The following CHST12 variants were observed in gnomAD, a reference collection of about 807,000 sequenced individuals.
CHST12 encodes carbohydrate (chondroitin 4) sulfotransferase 12.
Under a neutral mutation model 27.9 loss-of-function variants are expected in CHST12, and 23 were observed. The observed-to-expected ratio is 0.82, with a 90% CI of 0.59 to 1.17. CHST12 has a LOEUF of 1.17. Ranked by LOEUF, CHST12 falls within the 50% of genes most tolerant of loss-of-function variation. The pLI is 0.00. For synonymous variants in CHST12, 322 were observed against 273.0 expected, an observed-to-expected ratio of 1.18 and a Z score of -1.77; for missense variants, 682 against 603.0, an observed-to-expected ratio of 1.13 and a Z score of -1.37.
rs568260900 is a variant in CHST12 at position 2,410,830 on chromosome 7, C to T, written c.-78+7157C>T. Among the ~76,000 whole-genome samples the T allele has an allele frequency of 7.2e-5, 11 of 152,094 alleles. No individual in the cohort carries two copies. The South Asian group carries it at 2.1e-3, about 29-fold the overall frequency. ...GAGGAGATCAGTGGAGTCCTGGTCA[C>T]GGGCCATCAGAAGGACTCGAGATAG... is the stretch of plus-strand genomic sequence containing the variant. On this transcript the variant is annotated intron_variant, in intron 1 of 1. Coordinates refer to ENST00000618655, the MANE Select transcript of CHST12 (RefSeq NM_018641.5).
chr7:2,415,325 A>G (rs767976591), intron 1 of CHST12, among the ~76,000 whole-genome samples: 3 of 151,812 alleles, frequency 2.0e-5, no homozygotes, highest in Non-Finnish European at 4.4e-5. Context: ...AGATTGTGCC[A>G]CTGCACTCCA....
rs1212965508 is a variant in CHST12, at chr7:2,444,283, C to CAAAAAAAAAAAAAAAA, written c.*10409_*10424dup. 2.9e-5 allele frequency: 1 copy of CAAAAAAAAAAAAAAAA among 34,332 alleles called. No individual in the cohort carries two copies. The highest frequency in any genetic ancestry group is 1.3e-4 in the African/African-American group (1 of 7,662). The allele number at this position is 34,332 out of a possible 1,614,324, so 2.1% of individuals were successfully genotyped here. A position where few individuals can be genotyped will look rare whatever the true frequency, so the allele number is the denominator to read the frequency against. On this transcript the variant is annotated 3_prime_UTR_variant, in exon 2 of 2. Transcript: ENST00000618655. ...TGGGCGACAGAGCGAGACTCCGTCT[C>CAAAAAAAAAAAAAAAA]AAAAAAAAAAAAAAAAAAAAAAAAA... is the stretch of plus-strand genomic sequence containing the variant.
At chr7:2,411,787 T>C (rs1781674582) in intron 1 of CHST12, among the ~76,000 whole-genome samples, 1 of 152,240 alleles carries the variant, frequency 6.6e-6, no homozygotes, top group Non-Finnish European at 1.5e-5. Context: ...CAGCCACGAA[T>C]TGATTTAACT....
Position 2,434,579 on chromosome 7 carries a change from TAAAAAAAAAAAAAAAAAAAAAAAAAAAAA to T in CHST12, c.*704_*732del, listed in dbSNP as rs869123293. ...CAACATGGTGAAACCCTGTCTCTAC[TAAAAAAAAAAAAAAAAAAAAAAAAAAAAA>T]AAAAAAAATGAGTCGGGTGTGGTGG... On this transcript the variant is annotated 3_prime_UTR_variant, in exon 2 of 2. Transcript: ENST00000618655. 1 of 20,962 alleles carries T rather than the reference TAAAAAAAAAAAAAAAAAAAAAAAAAAAAA, an allele frequency of 4.8e-5. No individual in the cohort carries two copies. The highest frequency in any genetic ancestry group is 9.6e-4 in the Admixed American group (1 of 1,040). 1.3% of individuals were successfully genotyped at this position (20,962 alleles called of 1,614,324 possible). A position where few individuals can be genotyped will look rare whatever the true frequency, so the allele number is the denominator to read the frequency against.
intron 1 of CHST12, among the ~76,000 whole-genome samples, chr7:2,423,213 T>C (rs1298789577): frequency 6.6e-6 from 1 of 151,862 alleles, no homozygotes; most frequent in Non-Finnish European, 1.5e-5. Flanking sequence ...GTGGAGGCTG[T>C]GGTGAGCCAA....
rs1326321053 is a variant in CHST12, at chr7:2,433,388, GC to G, written c.751del (p.Leu251Ter). ...KFLFVRDPFV[R>X]LISAFRSKFE... ...CTCTTCGTGCGCGACCCCTTCGTGC[GC>G]CTGATCTCCGCCTTCCGCAGCAAGT... On this transcript the variant is annotated frameshift_variant, in exon 2 of 2. Coordinates refer to ENST00000618655, the MANE Select transcript of CHST12 (RefSeq NM_018641.5). LOFTEE classifies it high-confidence loss of function. The surrounding 1 kb of genome is among the most constrained non-coding windows in gnomAD (Gnocchi z 6.1). 14 of 1,609,746 alleles carry G rather than the reference GC, an allele frequency of 8.7e-6. No homozygotes were observed. Among genetic ancestry groups the G allele is most frequent in the Non-Finnish European group, 1.2e-5 (14 of 1,179,928 alleles).
At chr7:2,423,260 A>G (rs1465419705) in intron 1 of CHST12, among the ~76,000 whole-genome samples, 2 of 152,014 alleles carry the variant, frequency 1.3e-5, no homozygotes, top group African/African-American at 2.4e-5. Flanking sequence ...GTGACAGAAC[A>G]AGACTCCATC....
chr7:2,433,228 C>A lies in CHST12; in HGVS notation c.589C>A (p.Arg197Ser). The A allele has an allele frequency of 1.9e-6, 3 of 1,612,114 alleles. No individual in the cohort carries two copies. Among genetic ancestry groups the A allele is most frequent in the Admixed American group, 1.7e-5 (1 of 59,962 alleles). ...CCTGCTGCACCGCGGTGCGCCCTAC[C>A]GCGACCCGCTGCGCATCCCGCGCGA... Reference protein sequence around the residue: ...GSLLHRGAPYRDPLRIPREHV... With the variant: ...GSLLHRGAPYSDPLRIPREHV... The change falls in exon 2 of 2, where the codon CGC becomes AGC. Residue 197 changes from arginine to serine, a missense_variant. By Grantham distance (110) the Arg-to-Ser change is moderately radical (BLOSUM62 -1). Coordinates refer to ENST00000618655, the MANE Select transcript of CHST12 (RefSeq NM_018641.5). The surrounding 1 kb of genome is among the most constrained non-coding windows in gnomAD (Gnocchi z 6.1).
intron 1 of CHST12, among the ~76,000 whole-genome samples, chr7:2,403,900 C>T (rs1003089414): frequency 1.3e-5 from 2 of 152,126 alleles, no homozygotes; most frequent in African/African-American, 2.4e-5. Flanking sequence ...CGCTCGTCGT[C>T]CTCGGCCAGG....
rs929807238 is a variant in CHST12 at position 2,416,798 on chromosome 7, C to T, written c.-78+13125C>T. Among the ~76,000 whole-genome samples the T allele has an allele frequency of 3.9e-5, 6 of 152,264 alleles. No homozygotes were observed. The East Asian group carries it at 1.2e-3, about 29-fold the overall frequency. On this transcript the variant is annotated intron_variant, in intron 1 of 1. Transcript: ENST00000618655. Reference sequence around the variant, plus strand: ...GAGTAGGCAATGAGGCCAGTGGTCACATTTTTGTGAGGCTTTTAGTACCAT... The same window carrying T: ...GAGTAGGCAATGAGGCCAGTGGTCATATTTTTGTGAGGCTTTTAGTACCAT...
At chr7:2,404,073 G>A (rs983786835) in intron 1 of CHST12, 3 of 152,286 alleles carry the variant, frequency 2.0e-5, no homozygotes, top group Non-Finnish European at 4.4e-5. Context: ...GCAGGGGTAG[G>A]ACCAATTCCC....
intron 1 of CHST12, among the ~76,000 whole-genome samples, chr7:2,418,785 T>TCTGTTG (rs1781880320): frequency 7.0e-6 from 1 of 143,840 alleles, no homozygotes; most frequent in Non-Finnish European, 1.5e-5. Flanking sequence ...AGCTGTTGTT[T>TCTGTTG]CTGTTGCTGT....
chr7:2,423,620 A>G, intron 1 of CHST12, among the ~76,000 whole-genome samples: 1 of 152,290 alleles, frequency 6.6e-6, no homozygotes, highest in African/African-American at 2.4e-5. Flanking sequence ...CTCTGCCTCC[A>G]TCAGGCATGC....
intron 1 of CHST12, among the ~76,000 whole-genome samples, chr7:2,405,479 G>A (rs1781498580): frequency 6.6e-6 from 1 of 152,150 alleles, no homozygotes; most frequent in African/African-American, 2.4e-5. Flanking sequence ...GGGCCTGAAT[G>A]CTGTGTGAGG....
intron 1 of CHST12, among the ~76,000 whole-genome samples, chr7:2,412,741 A>C (rs1405288186): frequency 6.6e-6 from 1 of 152,212 alleles, no homozygotes; most frequent in African/African-American, 2.4e-5. Context: ...ACTGCTAGCT[A>C]TGTAGACTTG....
rs1158968577 is a variant in CHST12 at position 2,436,527 on chromosome 7, A to G, written c.*2643A>G. ...TTTATCTGTTCATCAGTTGGTGGAC[A>G]CTGAGTTGCTTCTGCCTTCCTGCGA... On this transcript the variant is annotated 3_prime_UTR_variant, in exon 2 of 2. Transcript: ENST00000618655. The G allele has an allele frequency of 6.6e-6, 1 of 152,268 alleles. No homozygotes were observed. The highest frequency in any genetic ancestry group is 1.5e-5 in the Non-Finnish European group (1 of 68,070). 9.4% of individuals were successfully genotyped at this position (152,268 alleles called of 1,614,324 possible). A position where few individuals can be genotyped will look rare whatever the true frequency, so the allele number is the denominator to read the frequency against.
intron 1 of CHST12, among the ~76,000 whole-genome samples, chr7:2,424,307 C>T (rs1375167056): frequency 6.6e-6 from 1 of 152,138 alleles, no homozygotes; most frequent in Non-Finnish European, 1.5e-5. Context: ...TTACTCTAGT[C>T]TGGGCAACAG....
rs997466768 is a variant in CHST12, at chr7:2,445,519, C to G, written c.*11635C>G. On this transcript the variant is annotated 3_prime_UTR_variant, in exon 2 of 2. Coordinates refer to ENST00000618655, the MANE Select transcript of CHST12 (RefSeq NM_018641.5). Reference sequence around the variant, plus strand: ...CGCCCAGGCTCACTGCAACCTATGCCTCCCGGGTTCAAGTGGTTCTCATGC... The same window carrying G: ...CGCCCAGGCTCACTGCAACCTATGCGTCCCGGGTTCAAGTGGTTCTCATGC... 6.6e-6 allele frequency: 1 copy of G among 152,244 alleles called. No individual in the cohort carries two copies. Among genetic ancestry groups the G allele is most frequent in the Non-Finnish European group, 1.5e-5 (1 of 68,082 alleles). The allele number at this position is 152,244 out of a possible 1,614,324, so 9.4% of individuals were successfully genotyped here. A position where few individuals can be genotyped will look rare whatever the true frequency, so the allele number is the denominator to read the frequency against.
At chr7:2,405,361 C>T (rs2115375207) in intron 1 of CHST12, among the ~76,000 whole-genome samples, 1 of 152,226 alleles carries the variant, frequency 6.6e-6, no homozygotes, top group East Asian at 1.9e-4. Context: ...AAGAGAATAG[C>T]TTGAACCTGG....
Sources: gnomAD v4.1 joint callset for allele counts (sites outside exome capture counted in the v4.1 genomes callset) on GRCh38, gnomAD v4.1.1 for gene constraint, Gnocchi (gnomAD v3.1) non-coding constraint, MANE v1.5 for transcripts, NCBI Gene and HGNC (gene_info 2026-07-23, HGNC 2026-07-21) for gene names.